Variants in F13A1 observed in about 807,000 individuals in gnomAD.
F13A1 encodes the protein FSF, A subunit.
A neutral mutation model predicts 80.1 loss-of-function variants in F13A1; 47 were observed. That is an observed-to-expected ratio of 0.59 (90% CI 0.46 to 0.75). The LOEUF (loss-of-function observed/expected upper bound fraction) is 0.75. Ranked by LOEUF, F13A1 falls within the 30% of genes least tolerant of loss-of-function variation. The pLI, the probability that F13A1 is intolerant of heterozygous loss-of-function variation, is 0.00. For missense variants in F13A1, 817 were observed against 930.4 expected (o/e 0.88, Z 1.59); for synonymous variants, 349 against 344.9 (o/e 1.01, Z -0.13).
chr6:6,310,603 T>C (rs913634799), intron 2 of F13A1, among the ~76,000 whole-genome samples: 6 of 152,168 alleles, frequency 3.9e-5, no homozygotes, highest in African/African-American at 1.4e-4. Context: ...ATCCCAACTC[T>C]CACGTACTGT....
At chr6:6,279,971 T>C (rs546140895) in intron 3 of F13A1, among the ~76,000 whole-genome samples, 42 of 152,210 alleles carry the variant, frequency 2.8e-4, no homozygotes, top group Non-Finnish European at 5.7e-4. Context: ...GATAAAGCAT[T>C]TGTTTGTCTT....
At chr6:6,147,210 T>A (rs1760299708) in intron 14 of F13A1, among the ~76,000 whole-genome samples, 1 of 152,180 alleles carries the variant, frequency 6.6e-6, no homozygotes, top group African/African-American at 2.4e-5. Flanking sequence ...TATATACTGC[T>A]TAGGTGATGG....
chr6:6,318,688 G>GAAAAAAAAAAAAAAAAAAA lies in F13A1; in HGVS notation c.-18-7_-18-6insTTTTTTTTTTTTTTTTTTT. 1 of 1,488,494 alleles carries GAAAAAAAAAAAAAAAAAAA rather than the reference G, an allele frequency of 6.7e-7. No homozygotes were observed. Among genetic ancestry groups the GAAAAAAAAAAAAAAAAAAA allele is most frequent in the Non-Finnish European group, 9.0e-7 (1 of 1,106,734 alleles). 92.2% of individuals were successfully genotyped at this position (1,488,494 alleles called of 1,614,324 possible). A position where few individuals can be genotyped will look rare whatever the true frequency, so the allele number is the denominator to read the frequency against. On this transcript the variant is annotated splice_region_variant and splice_polypyrimidine_tract_variant and intron_variant, in intron 1 of 14. Coordinates refer to ENST00000264870, the MANE Select transcript of F13A1 (RefSeq NM_000129.4). ...ATTTTTGACTTTACAAGGTCCTTCA[G>GAAAAAAAAAAAAAAAAAAA]AAAAAAAAAAAAAAGAAGACAACAG... is the stretch of plus-strand genomic sequence containing the variant.
At chr6:6,208,225 G>T (rs1218172719) in intron 8 of F13A1, among the ~76,000 whole-genome samples, 2 of 152,102 alleles carry the variant, frequency 1.3e-5, no homozygotes, top group African/African-American at 4.8e-5. Context: ...TAGAAATTCT[G>T]GAACTGAAAA....
At chr6:6,264,144 C>T (rs1757813309) in intron 4 of F13A1, among the ~76,000 whole-genome samples, 1 of 152,142 alleles carries the variant, frequency 6.6e-6, no homozygotes, top group South Asian at 2.1e-4. Context: ...TTAGATTGTC[C>T]ACCTCCTGAG....
At chr6:6,167,348 A>G (rs1489386831) in intron 13 of F13A1, 110 bp downstream of exon 13, 3 of 904,688 alleles carry the variant, frequency 3.3e-6, no homozygotes, top group Non-Finnish European at 4.7e-6. Flanking sequence ...TTTTTTTTTG[A>G]GCAGGACATT....
intron 3 of F13A1, among the ~76,000 whole-genome samples, chr6:6,296,587 C>A (rs961658951): frequency 1.3e-5 from 2 of 150,480 alleles, no homozygotes; most frequent in Non-Finnish European, 3.0e-5. Context: ...GATTTTTGTA[C>A]ATTGATTTTG....
At chr6:6,236,416 A>T (rs904490340) in intron 6 of F13A1, among the ~76,000 whole-genome samples, 1 of 152,152 alleles carries the variant, frequency 6.6e-6, no homozygotes, top group African/African-American at 2.4e-5. Flanking sequence ...AAAGAATAGA[A>T]ATAGCCCTAA....
chr6:6,283,511 C>T (rs1174209389), intron 3 of F13A1, among the ~76,000 whole-genome samples: 1 of 152,188 alleles, frequency 6.6e-6, no homozygotes, highest in African/African-American at 2.4e-5. Context: ...ATCAGATTGA[C>T]AACTCTAATA....
chr6:6,293,243 G>A (rs566864357), intron 3 of F13A1, among the ~76,000 whole-genome samples: 42 of 152,190 alleles, frequency 2.8e-4, no homozygotes, highest in African/African-American at 1.0e-3. Flanking sequence ...CCGTTTTGAG[G>A]GGGAGACCTG....
In F13A1 at chr6:6,144,674, ATATC is replaced by A. The variant is rs1561941239; in HGVS notation, c.*941_*944del. The A allele has an allele frequency of 6.6e-6, 1 of 152,260 alleles. No individual in the cohort carries two copies. Among genetic ancestry groups the A allele is most frequent in the Non-Finnish European group, 1.5e-5 (1 of 68,028 alleles). The allele number at this position is 152,260 out of a possible 1,614,324, so 9.4% of individuals were successfully genotyped here. On this transcript the variant is annotated 3_prime_UTR_variant, in exon 15 of 15. Transcript: ENST00000264870. ...GAATCAGTGGCTGCAGTCCTTCTAT[ATATC>A]TGGTCACTAGATCCGCCAGCTTCTT... is the stretch of plus-strand genomic sequence containing the variant.
intron 8 of F13A1, among the ~76,000 whole-genome samples, chr6:6,202,732 G>A (rs555729799): frequency 2.6e-5 from 4 of 152,316 alleles, no homozygotes; most frequent in African/African-American, 4.8e-5. Flanking sequence ...GGAGGATAAC[G>A]ATGGAGATGA....
chr6:6,155,788 T>C (rs1380928338), intron 13 of F13A1, among the ~76,000 whole-genome samples: 1 of 152,192 alleles, frequency 6.6e-6, no homozygotes. Context: ...ACCTACAAAA[T>C]GCTGAGAACA....
chr6:6,301,388 T>A (rs1207314167), intron 3 of F13A1, among the ~76,000 whole-genome samples: 2 of 152,204 alleles, frequency 1.3e-5, no homozygotes, highest in Non-Finnish European at 2.9e-5. Flanking sequence ...CTTGCCTTTC[T>A]TGTATCTACA....
chr6:6,320,656 C>T lies in F13A1; in HGVS notation c.-88G>A, dbSNP rs1346688967. The stretch of plus-strand genomic sequence containing the variant: ...TGTGCGCCTCGGGGACTTCCTCAAA[C>T]GGACTCGGGAAAGACAAGACAGTTG... On this transcript the variant is annotated 5_prime_UTR_variant, in exon 1 of 15. Transcript: ENST00000264870. The T allele has an allele frequency of 1.1e-5, 5 of 470,186 alleles. No individual in the cohort carries two copies. The highest frequency in any genetic ancestry group is 4.7e-5 in the South Asian group (3 of 64,402). The allele number at this position is 470,186 out of a possible 1,614,324, so 29.1% of individuals were successfully genotyped here.
intron 6 of F13A1, 127 bp downstream of exon 6, chr6:6,248,185 C>T: frequency 1.2e-6 from 1 of 845,996 alleles, no homozygotes. Context: ...GTGTCAGAAG[C>T]TAGAATCTTA....
intron 13 of F13A1, among the ~76,000 whole-genome samples, chr6:6,164,401 TG>T (rs1385776466): frequency 6.6e-6 from 1 of 152,018 alleles, no homozygotes; most frequent in African/African-American, 2.4e-5. Flanking sequence ...GCTTAGTACC[TG>T]GGTGATGTAA....
In F13A1 at chr6:6,250,966, C is replaced by G; in HGVS notation, c.572-37G>C. 1 of 1,414,892 alleles carries G rather than the reference C, an allele frequency of 7.1e-7. No homozygotes were observed. Among genetic ancestry groups the G allele is most frequent in the Non-Finnish European group, 1.0e-6 (1 of 1,000,660 alleles). 87.6% of individuals were successfully genotyped at this position (1,414,892 alleles called of 1,614,324 possible). A position where few individuals can be genotyped will look rare whatever the true frequency, so the allele number is the denominator to read the frequency against. On this transcript the variant is annotated intron_variant, in intron 4 of 14. Transcript: ENST00000264870. This position sits in a 1 kb window ranked among gnomAD's most constrained non-coding sequence, Gnocchi z 4.2. ...TTTAAACATAGTGACTATTACCAAA[C>G]CAGACTGTTTCCAAACACTTGCAAG...
At chr6:6,285,958 C>T (rs1181456723) in intron 3 of F13A1, among the ~76,000 whole-genome samples, 4 of 152,228 alleles carry the variant, frequency 2.6e-5, no homozygotes, top group Non-Finnish European at 5.9e-5. Context: ...AAAAATGCAT[C>T]AAGTGGTCAC....
Sources: gnomAD v4.1 joint callset for allele counts (sites outside exome capture counted in the v4.1 genomes callset) on GRCh38, gnomAD v4.1.1 for gene constraint, Gnocchi (gnomAD v3.1) non-coding constraint, MANE v1.5 for transcripts, NCBI Gene and HGNC (gene_info 2026-07-23, HGNC 2026-07-21) for gene names.